Variants in RAD51B observed in about 807,000 individuals in gnomAD.
RAD51B encodes the protein DNA repair protein RAD51 homolog 2.
A neutral mutation model predicts 42.2 loss-of-function variants in RAD51B; 38 were observed. The ratio of observed to expected loss-of-function variants is 0.90; its 90% confidence interval spans 0.70 to 1.18. The LOEUF is 1.18. Ranked by LOEUF, RAD51B falls within the 50% of genes most tolerant of loss-of-function variation. The probability of loss-of-function intolerance (pLI) is 0.00; values close to 1 mark genes in which losing one functional copy is unlikely to be tolerated. For synonymous variants in RAD51B, 154 were observed against 145.2 expected (o/e 1.06, Z -0.43); for missense variants, 373 against 400.7 (o/e 0.93, Z 0.59).
chr14:68,489,908 T>C (rs1412900891), intron 10 of RAD51B, among the ~76,000 whole-genome samples: 1 of 152,252 alleles, frequency 6.6e-6, no homozygotes, highest in Non-Finnish European at 1.5e-5. Context: ...TCCTAATTAT[T>C]ACATTTGGCA....
chr14:68,088,089 A>G (rs1455803504), intron 7 of RAD51B, among the ~76,000 whole-genome samples: 1 of 146,858 alleles, frequency 6.8e-6, no homozygotes, highest in Non-Finnish European at 1.5e-5. Flanking sequence ...GCCCTAAGTG[A>G]GCACTTATTG....
intron 9 of RAD51B, among the ~76,000 whole-genome samples, chr14:68,435,812 C>G (rs566827561): frequency 2.6e-5 from 4 of 152,112 alleles, no homozygotes; most frequent in Admixed American, 6.6e-5. Flanking sequence ...TGTTGGCTAC[C>G]TGTGTATCTT....
Position 68,136,311 on chromosome 14 carries a change from C to G in RAD51B, c.757-155573C>G, listed in dbSNP as rs553633220. The stretch of plus-strand genomic sequence containing the variant: ...GTGGATCAGGCCGGGCACAGTGGCT[C>G]ACACCTGTAATCCCAGCACTTTGGG... On this transcript the variant is annotated intron_variant, in intron 7 of 10. Coordinates refer to ENST00000471583, the MANE Select transcript of RAD51B (RefSeq NM_133510.4). Among the ~76,000 whole-genome samples, 5 of 152,040 alleles carry G rather than the reference C, an allele frequency of 3.3e-5. No individual in the cohort carries two copies. The South Asian group carries it at 1.0e-3, about 32-fold the overall frequency.
At chr14:68,029,415 C>T (rs1362387439) in intron 7 of RAD51B, among the ~76,000 whole-genome samples, 1 of 152,164 alleles carries the variant, frequency 6.6e-6, no homozygotes, top group African/African-American at 2.4e-5. Context: ...ACAGCTTCTT[C>T]GCCAGGAGTA....
chr14:68,242,542 T>A (rs2080412499), intron 7 of RAD51B, among the ~76,000 whole-genome samples: 1 of 152,208 alleles, frequency 6.6e-6, no homozygotes, highest in South Asian at 2.1e-4. Flanking sequence ...CCTCTAACGT[T>A]CAAACAGAGG....
At chr14:68,667,907 C>T (rs1893066345) in intron 11 of RAD51B, among the ~76,000 whole-genome samples, 1 of 152,210 alleles carries the variant, frequency 6.6e-6, no homozygotes, top group Non-Finnish European at 1.5e-5. Flanking sequence ...TAACTGAAGG[C>T]AGATCAGCCT....
chr14:68,337,726 T>G (rs537759697), intron 8 of RAD51B, among the ~76,000 whole-genome samples: 2 of 152,328 alleles, frequency 1.3e-5, no homozygotes, highest in South Asian at 4.1e-4. Flanking sequence ...ATGCTCAACC[T>G]GAATTAAGAA....
At chr14:68,471,672 A>G (rs2086129503) in intron 10 of RAD51B, among the ~76,000 whole-genome samples, 1 of 148,736 alleles carries the variant, frequency 6.7e-6, no homozygotes, top group African/African-American at 2.5e-5. Context: ...TAAAATAGAA[A>G]GCGGAACTAT....
At chr14:68,294,474 C>T (rs1346164724) in intron 8 of RAD51B, among the ~76,000 whole-genome samples, 1 of 152,228 alleles carries the variant, frequency 6.6e-6, no homozygotes, top group Non-Finnish European at 1.5e-5. Flanking sequence ...CAGACATGCA[C>T]ACGCATGTAT....
chr14:68,189,266 T>C (rs929323440), intron 7 of RAD51B, among the ~76,000 whole-genome samples: 1 of 152,138 alleles, frequency 6.6e-6, no homozygotes, highest in Non-Finnish European at 1.5e-5. Flanking sequence ...TTTTAGTCAT[T>C]CTTATATCAC....
At chr14:68,300,575 T>C (rs558795668) in intron 8 of RAD51B, among the ~76,000 whole-genome samples, 2 of 152,320 alleles carry the variant, frequency 1.3e-5, no homozygotes, top group South Asian at 4.1e-4. Flanking sequence ...CAAGCCAATA[T>C]ACTGTTTTAA....
chr14:68,106,001 G>C (rs424032), intron 7 of RAD51B, among the ~76,000 whole-genome samples: 41,941 of 151,622 alleles, frequency 0.28, 7,831 homozygotes, highest in African/African-American at 0.53. Context: ...GTGTTATTGC[G>C]GTGTTTTAAA....
intron 7 of RAD51B, among the ~76,000 whole-genome samples, chr14:68,197,142 A>G (rs917627472): frequency 6.6e-6 from 1 of 152,210 alleles, no homozygotes; most frequent in Non-Finnish European, 1.5e-5. Flanking sequence ...CACAGATCTT[A>G]AGTGGACAAT....
rs1425908731 is a variant in RAD51B at position 67,893,491 on chromosome 14, CACACACACACACACACACA to C, written c.756+6289_756+6307del. 1.8e-3 allele frequency among the ~76,000 whole-genome samples: 140 copies of C among 76,792 alleles called. 12 individuals carry two copies. Among genetic ancestry groups the C allele is most frequent in the African/African-American group, 0.01 (139 of 13,256 alleles). 50.4% of individuals were successfully genotyped at this position (76,792 alleles called of 152,430 possible). A position where few individuals can be genotyped will look rare whatever the true frequency, so the allele number is the denominator to read the frequency against. ...AGACACACACACACACACACACACA[CACACACACACACACACACA>C]AAAAAAAACAATTAGCTGGGTGTGG... On this transcript the variant is annotated intron_variant, in intron 7 of 10. Coordinates refer to ENST00000471583, the MANE Select transcript of RAD51B (RefSeq NM_133510.4).
At chr14:68,572,477 C>G (rs1246680745) in intron 10 of RAD51B, among the ~76,000 whole-genome samples, 5 of 152,248 alleles carry the variant, frequency 3.3e-5, no homozygotes, top group African/African-American at 1.2e-4. Context: ...CCCCTTGCAG[C>G]TGGGGGGCTG....
chr14:67,831,444 A>T (rs2041041846), intron 3 of RAD51B, among the ~76,000 whole-genome samples: 1 of 152,234 alleles, frequency 6.6e-6, no homozygotes, highest in African/African-American at 2.4e-5. Context: ...CAGCCACCGA[A>T]GTAGAAGAAA....
intron 7 of RAD51B, among the ~76,000 whole-genome samples, chr14:68,253,306 C>T (rs967469958): frequency 1.4e-4 from 22 of 151,822 alleles, no homozygotes; most frequent in African/African-American, 4.8e-4. Context: ...TAACATTATA[C>T]TTAAGATATT....
At chr14:68,470,629 G>C in intron 10 of RAD51B, 1 of 423,466 alleles carries the variant, frequency 2.4e-6, no homozygotes, top group Non-Finnish European at 4.7e-6. Flanking sequence ...TTTGAAAACA[G>C]AGAGAGAGAG....
At chr14:68,233,978 T>A (rs2080196543) in intron 7 of RAD51B, among the ~76,000 whole-genome samples, 2 of 152,284 alleles carry the variant, frequency 1.3e-5, no homozygotes, top group South Asian at 4.1e-4. Context: ...TTCATTTGAT[T>A]TCTTTTTTCA....
Sources: gnomAD v4.1 joint callset for allele counts (sites outside exome capture counted in the v4.1 genomes callset) on GRCh38, gnomAD v4.1.1 for gene constraint, MANE v1.5 for transcripts, NCBI Gene and HGNC (gene_info 2026-07-23, HGNC 2026-07-21) for gene names.